The following NLGN4Y variants were observed in gnomAD, a reference collection of about 807,000 sequenced individuals.
The protein encoded by NLGN4Y is neuroligin-4, Y-linked.
NLGN4Y carries 4 observed loss-of-function variants against 8.4 expected under a neutral mutation model. The observed-to-expected ratio is 0.48, with a 90% CI of 0.23 to 1.09. The LOEUF (loss-of-function observed/expected upper bound fraction) is 1.09. NLGN4Y is among the 50% of genes least tolerant of loss of function. NLGN4Y has a pLI of 0.19. For missense variants in NLGN4Y, 90 were observed against 192.3 expected (o/e 0.47, Z 3.15); for synonymous variants, 35 against 75.6 (o/e 0.46, Z 2.78).
chrY:14,649,396 A>T, intron 2 of NLGN4Y, among the ~76,000 whole-genome samples: 1 of 33,389 alleles, frequency 3.0e-5, no homozygotes, highest in Non-Finnish European at 7.4e-5. Context: ...AGCAACGCAA[A>T]ATCAAACATC....
intron 2 of NLGN4Y, among the ~76,000 whole-genome samples, chrY:14,674,013 T>C (rs2080735822): frequency 3.7e-5 from 1 of 26,848 alleles, no homozygotes; most frequent in South Asian, 9.1e-4. Flanking sequence ...GGAAGGGGAA[T>C]ATCACACTCT....
At chrY:14,733,069 G>C (rs2080977907) in intron 4 of NLGN4Y, among the ~76,000 whole-genome samples, 2 of 33,127 alleles carry the variant, frequency 6.0e-5, no homozygotes, top group African/African-American at 2.4e-4. Flanking sequence ...GCAGTGCCAG[G>C]AGGAAAATAA....
At chrY:14,779,756 G>A in intron 4 of NLGN4Y, among the ~76,000 whole-genome samples, 3 of 33,165 alleles carry the variant, frequency 9.0e-5, no homozygotes, top group African/African-American at 2.4e-4. Flanking sequence ...AGTTTAATTC[G>A]TCATCTGGTG....
At chrY:14,791,858 A>C (rs2042987034) in intron 4 of NLGN4Y, among the ~76,000 whole-genome samples, 1 of 32,932 alleles carries the variant, frequency 3.0e-5, no homozygotes, top group Non-Finnish European at 7.5e-5. Context: ...ACCTCTACCT[A>C]TTCTGAACTT....
intron 1 of NLGN4Y, among the ~76,000 whole-genome samples, chrY:14,608,478 G>GT (rs2080455083): frequency 1.2e-4 from 4 of 32,237 alleles, no homozygotes; most frequent in Admixed American, 2.9e-4. Flanking sequence ...TTCATTGCTT[G>GT]TTTTTTTTCA....
At chrY:14,819,887 G>A (rs2043116382) in intron 4 of NLGN4Y, among the ~76,000 whole-genome samples, 1 of 32,680 alleles carries the variant, frequency 3.1e-5, no homozygotes, top group Non-Finnish European at 7.5e-5. Flanking sequence ...AGGCCATAGT[G>A]CAGAAAAAAA....
intron 4 of NLGN4Y, among the ~76,000 whole-genome samples, chrY:14,771,663 A>T (rs2081108543): frequency 3.0e-5 from 1 of 33,185 alleles, no homozygotes; most frequent in African/African-American, 1.2e-4. Context: ...AGCAGCTAGC[A>T]TCATAAGGAC....
intron 4 of NLGN4Y, among the ~76,000 whole-genome samples, chrY:14,775,212 G>A (rs779364939): frequency 5.8e-4 from 19 of 32,950 alleles, no homozygotes; most frequent in Non-Finnish European, 1.1e-3. Context: ...TTATGAATAT[G>A]TACTTCAAAT....
At chrY:14,795,444 A>G in intron 4 of NLGN4Y, among the ~76,000 whole-genome samples, 1 of 32,996 alleles carries the variant, frequency 3.0e-5, no homozygotes, top group Non-Finnish European at 7.4e-5. Context: ...TGTATTTGTT[A>G]TATATTAATC....
intron 1 of NLGN4Y, among the ~76,000 whole-genome samples, chrY:14,607,646 C>T (rs1045809906): frequency 1.2e-4 from 4 of 33,830 alleles, no homozygotes; most frequent in Non-Finnish European, 2.2e-4. Context: ...TGGTTTGGTT[C>T]CATGACTTTG....
At chrY:14,524,818 G>C (rs2080085739) in intron 1 of NLGN4Y, 110 bp downstream of exon 1, 1 of 119,894 alleles carries the variant, frequency 8.3e-6, no homozygotes, top group Non-Finnish European at 1.8e-5. Context: ...CTCTGCCTGC[G>C]GTTTTCCAGG....
At chrY:14,714,694 A>C (rs2080909986) in intron 2 of NLGN4Y, among the ~76,000 whole-genome samples, 2 of 33,487 alleles carry the variant, frequency 6.0e-5, no homozygotes, top group Non-Finnish European at 1.5e-4. Context: ...AACCTAAGCA[A>C]TACCATTTAG....
intron 2 of NLGN4Y, among the ~76,000 whole-genome samples, chrY:14,697,031 A>G (rs2080830138): frequency 6.1e-5 from 2 of 32,737 alleles, no homozygotes; most frequent in Admixed American, 5.7e-4. Context: ...ATTCTCTGGT[A>G]TAATCTTGCA....
At chrY:14,542,846 C>T (rs770861382) in intron 1 of NLGN4Y, among the ~76,000 whole-genome samples, 2 of 32,058 alleles carry the variant, frequency 6.2e-5, no homozygotes, top group East Asian at 1.6e-3. Flanking sequence ...TGGGTGAAGC[C>T]GGAAGCCATC....
intron 4 of NLGN4Y, among the ~76,000 whole-genome samples, chrY:14,737,841 C>G: frequency 3.1e-5 from 1 of 31,776 alleles, no homozygotes; most frequent in African/African-American, 1.2e-4. Context: ...GGTTAAAAGA[C>G]AGAAAGATCC....
intron 4 of NLGN4Y, among the ~76,000 whole-genome samples, chrY:14,791,325 C>A (rs2042985478): frequency 3.0e-5 from 1 of 33,073 alleles, no homozygotes; most frequent in Admixed American, 2.8e-4. Context: ...TAATTCTACC[C>A]AACCTTGAAA....
chrY:14,618,126 A>C (rs2080497183), intron 1 of NLGN4Y, among the ~76,000 whole-genome samples: 1 of 30,084 alleles, frequency 3.3e-5, no homozygotes, highest in Non-Finnish European at 8.0e-5. Flanking sequence ...GGATTATGAA[A>C]AAAAAAAAAA....
intron 1 of NLGN4Y, among the ~76,000 whole-genome samples, chrY:14,535,178 C>T: frequency 9.0e-5 from 3 of 33,200 alleles, no homozygotes; most frequent in Non-Finnish European, 2.2e-4. Flanking sequence ...ACCAGTATTG[C>T]AAATTTACCC....
At chrY:14,676,234 C>T (rs2080748467) in intron 2 of NLGN4Y, among the ~76,000 whole-genome samples, 2 of 32,835 alleles carry the variant, frequency 6.1e-5, no homozygotes, top group African/African-American at 2.4e-4. Flanking sequence ...TTTTCACCTT[C>T]CATTAATAGT....
Sources: allele counts gnomAD v4.1 joint callset (sites outside exome capture counted in the v4.1 genomes callset), GRCh38; gene constraint gnomAD v4.1.1; transcripts MANE v1.5; gene names NCBI Gene and HGNC (gene_info 2026-07-23, HGNC 2026-07-21).